The following PALLD variants were observed in gnomAD, a reference collection of about 807,000 sequenced individuals.
PALLD encodes palladin.
Under a neutral mutation model 123.5 loss-of-function variants are expected in PALLD, and 61 were observed. The observed-to-expected ratio is 0.49, with a 90% CI of 0.40 to 0.61. The LOEUF (loss-of-function observed/expected upper bound fraction) is 0.61, where lower values mean the gene tolerates loss of function less well. Ranked by LOEUF, PALLD falls within the 20% of genes least tolerant of loss-of-function variation. PALLD has a pLI of 0.00. For missense variants in PALLD, 1,273 were observed against 1,377.0 expected, an observed-to-expected ratio of 0.92 and a Z score of 1.20; for synonymous variants, 465 against 496.4, an observed-to-expected ratio of 0.94 and a Z score of 0.84.
At chr4:168,857,860 C>T (rs1376293002) in intron 10 of PALLD, among the ~76,000 whole-genome samples, 2 of 152,308 alleles carry the variant, frequency 1.3e-5, no homozygotes, top group East Asian at 3.9e-4. Flanking sequence ...ATAACACAGG[C>T]ATATATCCAA....
chr4:168,593,519 C>T (rs759723172), intron 2 of PALLD, among the ~76,000 whole-genome samples: 20 of 152,008 alleles, frequency 1.3e-4, no homozygotes, highest in Admixed American at 4.6e-4. Context: ...CTCTCTTCTA[C>T]GTGCAACCTC....
rs1261087059 is a variant in PALLD at position 168,869,807 on chromosome 4, T to C, written c.1965-21115T>C. 6.6e-6 allele frequency among the ~76,000 whole-genome samples: 1 copy of C among 152,134 alleles called. No homozygotes were observed. The highest frequency in any genetic ancestry group is 1.5e-5 in the Non-Finnish European group (1 of 67,994). On this transcript the variant is annotated intron_variant, in intron 10 of 21. Transcript: ENST00000505667. The surrounding 1 kb of genome is among the most constrained non-coding windows in gnomAD (Gnocchi z 4.5). The stretch of plus-strand genomic sequence containing the variant: ...TGGAATTCAGGACTGAGGGCTGGGT[T>C]AGAGAGATCAGGGAGTGAGAGTGAT...
intron 10 of PALLD, among the ~76,000 whole-genome samples, chr4:168,870,748 T>C (rs539844479): frequency 2.0e-5 from 3 of 152,288 alleles, no homozygotes; most frequent in Admixed American, 2.0e-4. Context: ...AAATAAAATA[T>C]CCAAAGTCAT....
chr4:168,896,448 T>C, intron 12 of PALLD, 101 bp from the exon 13 acceptor site: 1 of 731,394 alleles, frequency 1.4e-6, no homozygotes, highest in South Asian at 1.5e-5. Context: ...ACCAAACGCA[T>C]ATTGCTAGCA....
At chr4:168,649,615 A>G (rs868612606) in intron 2 of PALLD, among the ~76,000 whole-genome samples, 1 of 152,200 alleles carries the variant, frequency 6.6e-6, no homozygotes, top group Non-Finnish European at 1.5e-5. Context: ...TTTATTGGGT[A>G]ACATGCATCA....
intron 10 of PALLD, among the ~76,000 whole-genome samples, chr4:168,765,336 C>G (rs936698550): frequency 6.6e-6 from 1 of 152,112 alleles, no homozygotes; most frequent in Non-Finnish European, 1.5e-5. Context: ...TCTTGAGAGA[C>G]AGAGAGCGTG....
At chr4:168,542,717 CATATATATATATATATATATATAT>C (rs70961531) in intron 2 of PALLD, among the ~76,000 whole-genome samples, 2,537 of 88,856 alleles carry the variant, frequency 0.029, 162 homozygotes, top group African/African-American at 0.074. Flanking sequence ...CTAACCTTTC[CATATATATATATATATATATATAT>C]ATATATATAT....
At chr4:168,866,072 G>A in intron 10 of PALLD, among the ~76,000 whole-genome samples, 1 of 151,336 alleles carries the variant, frequency 6.6e-6, no homozygotes, top group South Asian at 2.1e-4. Context: ...TTGAGCCTGG[G>A]CAACATAGTA....
At chr4:168,879,357 C>T (rs1423387625) in intron 10 of PALLD, among the ~76,000 whole-genome samples, 1 of 152,188 alleles carries the variant, frequency 6.6e-6, no homozygotes, top group Non-Finnish European at 1.5e-5. Flanking sequence ...AGTACTTACT[C>T]ATTTTACTGA....
chr4:168,756,262 G>T, intron 10 of PALLD: 1 of 203,362 alleles, frequency 4.9e-6, no homozygotes, highest in South Asian at 6.7e-5. Flanking sequence ...AAATGACATT[G>T]AACTTGTTTC....
intron 2 of PALLD, among the ~76,000 whole-genome samples, chr4:168,532,754 T>C (rs899320750): frequency 4.6e-5 from 7 of 152,126 alleles, no homozygotes; most frequent in African/African-American, 1.7e-4. Flanking sequence ...GGGAGATTCA[T>C]GGAGGCCAAG....
intron 8 of PALLD, 99 bp downstream of exon 8, chr4:168,691,391 G>A (rs1782614311): frequency 2.1e-6 from 2 of 970,804 alleles, no homozygotes; most frequent in Non-Finnish European, 3.2e-6. Flanking sequence ...AAAGCCGTAA[G>A]CAGAACAATG....
chr4:168,659,579 AT>A (rs1265728460), intron 2 of PALLD, among the ~76,000 whole-genome samples: 1 of 152,216 alleles, frequency 6.6e-6, no homozygotes, highest in African/African-American at 2.4e-5. Context: ...GCATAAAGGA[AT>A]TGATTTAAAG....
chr4:168,794,500 ACACACG>A (rs1554083971), intron 10 of PALLD, among the ~76,000 whole-genome samples: 1,385 of 126,548 alleles, frequency 0.011, 17 homozygotes, highest in African/African-American at 0.037. Context: ...GCACGCACAC[ACACACG>A]CACACACACA....
chr4:168,923,632 T>C (rs539327221), intron 18 of PALLD, among the ~76,000 whole-genome samples: 2 of 152,294 alleles, frequency 1.3e-5, no homozygotes, highest in African/African-American at 4.8e-5. Flanking sequence ...AATAAAGCTT[T>C]TTTATAACCT....
At chr4:168,771,578 CCTTCA>C (rs72166283) in intron 10 of PALLD, among the ~76,000 whole-genome samples, 2,632 of 152,218 alleles carry the variant, frequency 0.017, 74 homozygotes, top group African/African-American at 0.06. Context: ...TGGGCATTGA[CCTTCA>C]CTTAAGCAGG....
At chr4:168,898,189 GC>G in intron 13 of PALLD, 1 of 421,834 alleles carries the variant, frequency 2.4e-6, no homozygotes, top group South Asian at 2.2e-5. Flanking sequence ...ACATAGCTTT[GC>G]TTTTGCCTTT....
intron 6 of PALLD, among the ~76,000 whole-genome samples, chr4:168,689,849 T>C (rs1014101653): frequency 6.6e-6 from 1 of 152,172 alleles, no homozygotes; most frequent in Non-Finnish European, 1.5e-5. Context: ...AAGATATATG[T>C]GAGGGAAATA....
chr4:168,662,901 AGCTACAT>A (rs1271745481), intron 2 of PALLD, among the ~76,000 whole-genome samples: 2 of 152,218 alleles, frequency 1.3e-5, no homozygotes, highest in Non-Finnish European at 2.9e-5. Context: ...ATCTTTAATC[AGCTACAT>A]GAAGAGTGGA....
Sources: gnomAD v4.1 joint callset for allele counts (sites outside exome capture counted in the v4.1 genomes callset) on GRCh38, gnomAD v4.1.1 for gene constraint, Gnocchi (gnomAD v3.1) non-coding constraint, MANE v1.5 for transcripts, NCBI Gene and HGNC (gene_info 2026-07-23, HGNC 2026-07-21) for gene names.